Variants in DCPH1 observed in about 807,000 individuals in gnomAD.
DCPH1 encodes the protein damage-control phosphatase 1.
the DCPH1 span, among the ~76,000 whole-genome samples, chr6:151,460,322 C>T: frequency 2.6e-5 from 4 of 151,872 alleles, no homozygotes; most frequent in East Asian, 3.9e-4. Flanking sequence ...CTCCTGACCT[C>T]GAACTCCTGA....
chr6:151,464,411 G>A, the DCPH1 span: 136 of 1,465,548 alleles, frequency 9.3e-5, no homozygotes, highest in Non-Finnish European at 1.2e-4. Context: ...TTATCCAAAT[G>A]TACAAACTAA....
the DCPH1 span, chr6:151,464,449 T>G: frequency 6.3e-7 from 1 of 1,597,846 alleles, no homozygotes; most frequent in South Asian, 1.1e-5. Context: ...TTCTCCTACT[T>G]TAGTCCACCA....
At chr6:151,454,738 T>G in the DCPH1 span, 2 of 666,044 alleles carry the variant, frequency 3.0e-6, no homozygotes, top group Non-Finnish European at 2.6e-6. Context: ...AATTTTCCTT[T>G]AAATGTAAAA....
At chr6:151,459,552 G>A in the DCPH1 span, among the ~76,000 whole-genome samples, 523 of 152,274 alleles carry the variant, frequency 3.4e-3, 3 homozygotes, top group African/African-American at 0.011. Context: ...AACACTTTGG[G>A]AGGCTAAGGC....
chr6:151,461,366 G>A, the DCPH1 span, among the ~76,000 whole-genome samples: 1 of 150,796 alleles, frequency 6.6e-6, no homozygotes, highest in Admixed American at 6.6e-5. Flanking sequence ...AAAGGAAGGT[G>A]GCTTCAAAAA....
chr6:151,458,592 C>T, the DCPH1 span: 3 of 1,553,512 alleles, frequency 1.9e-6, no homozygotes, highest in South Asian at 3.6e-5. Context: ...TAATCATCAA[C>T]TATCAAATGT....
the DCPH1 span, among the ~76,000 whole-genome samples, chr6:151,460,920 A>G: frequency 6.6e-6 from 1 of 152,234 alleles, no homozygotes; most frequent in Admixed American, 6.5e-5. Flanking sequence ...ACCCAGTGAA[A>G]TGTAGGCGTT....
At chr6:151,454,497 C>T in the DCPH1 span, 2 of 850,550 alleles carry the variant, frequency 2.4e-6, no homozygotes, top group Non-Finnish European at 4.0e-6. Flanking sequence ...GATAGCCAGT[C>T]TTCTAGTATT....
chr6:151,468,294 G>T, the DCPH1 span: 1 of 1,330,682 alleles, frequency 7.5e-7, no homozygotes, highest in Non-Finnish European at 1.0e-6. Context: ...ATGGAGTTTT[G>T]TTGGCTATTC....
the DCPH1 span, chr6:151,468,895 AG>A: frequency 6.2e-7 from 1 of 1,613,902 alleles, no homozygotes; most frequent in Non-Finnish European, 8.5e-7. Flanking sequence ...TTTGAATTAC[AG>A]GAAGTTGACA....
the DCPH1 span, among the ~76,000 whole-genome samples, chr6:151,465,755 A>G: frequency 6.6e-6 from 1 of 152,274 alleles, no homozygotes; most frequent in South Asian, 2.1e-4. Flanking sequence ...CCAAGTTGGT[A>G]GCATAAGAGT....
chr6:151,464,686 C>T, the DCPH1 span: 5 of 984,682 alleles, frequency 5.1e-6, no homozygotes, highest in Non-Finnish European at 7.1e-6. Context: ...ATACAGTTAA[C>T]AAAACATGTA....
chr6:151,463,170 G>A, the DCPH1 span, among the ~76,000 whole-genome samples: 3 of 152,176 alleles, frequency 2.0e-5, no homozygotes, highest in East Asian at 3.9e-4. Flanking sequence ...GTGGTGGGCC[G>A]GATTGGGTCT....
At chr6:151,457,102 C>G in the DCPH1 span, among the ~76,000 whole-genome samples, 1 of 152,172 alleles carries the variant, frequency 6.6e-6, no homozygotes, top group African/African-American at 2.4e-5. Context: ...TTCTAGCTTC[C>G]TAAGCCCCCA....
the DCPH1 span, chr6:151,469,142 G>T: frequency 1.3e-6 from 2 of 1,547,112 alleles, no homozygotes; most frequent in East Asian, 4.5e-5. Flanking sequence ...TGCATAGAAA[G>T]ATCTGGTGAG....
the DCPH1 span, among the ~76,000 whole-genome samples, chr6:151,453,076 G>A: frequency 1.8e-4 from 28 of 152,278 alleles, no homozygotes; most frequent in East Asian, 4.4e-3. Flanking sequence ...AAATCGAATG[G>A]CCAAATTTAT....
chr6:151,453,595 A>G, the DCPH1 span, among the ~76,000 whole-genome samples: 4 of 152,318 alleles, frequency 2.6e-5, no homozygotes, highest in East Asian at 1.9e-4. Context: ...TTAAAGTTCT[A>G]TAGCTATCAT....
the DCPH1 span, among the ~76,000 whole-genome samples, chr6:151,467,890 A>AG: frequency 1.3e-5 from 2 of 152,170 alleles, no homozygotes; most frequent in Non-Finnish European, 2.9e-5. Context: ...AATCCCAGAG[A>AG]GGTGTCACGT....
chr6:151,454,545 T>C, the DCPH1 span: 1 of 1,365,430 alleles, frequency 7.3e-7, no homozygotes, highest in South Asian at 1.2e-5. Flanking sequence ...GACTCTTTTC[T>C]AGATCATTTG....
Sources: allele counts gnomAD v4.1 joint callset (sites outside exome capture counted in the v4.1 genomes callset), GRCh38; gene constraint gnomAD v4.1.1; transcripts MANE v1.5; gene names NCBI Gene and HGNC (gene_info 2026-07-23, HGNC 2026-07-21).